PACRGL: variants seen among roughly 807,000 people sequenced by gnomAD.
PACRGL encodes parkin coregulated like.
A neutral mutation model predicts 34.5 loss-of-function variants in PACRGL; 38 were observed. The ratio of observed to expected loss-of-function variants is 1.10; its 90% CI spans 0.85 to 1.44. PACRGL has a LOEUF of 1.44. PACRGL is among the 40% of genes most tolerant of loss of function. PACRGL has a pLI of 0.00. For synonymous variants in PACRGL, 128 were observed against 100.1 expected (o/e 1.28, Z -1.66); for missense variants, 305 against 281.4 (o/e 1.08, Z -0.60).
Position 20,704,600 on chromosome 4 carries a change from G to A in PACRGL, c.53-60G>A, listed in dbSNP as rs969114311. ...CATGGCACTTTCTGTGCTACAGATG[G>A]ATGCAGGGTGAACTTTATTGCTTGT... On this transcript the variant is annotated intron_variant, in intron 2 of 8. Coordinates refer to ENST00000503585, the MANE Select transcript of PACRGL (RefSeq NM_001258345.3). 8.1e-6 allele frequency: 13 copies of A among 1,613,020 alleles called. No individual in the cohort carries two copies. In the African/African-American group the frequency reaches 1.7e-4, roughly 22 times the overall value.
Position 20,704,713 on chromosome 4 carries a change from G to A in PACRGL, c.106G>A (p.Val36Ile), listed in dbSNP as rs145660724. 29 of 1,614,072 alleles carry A rather than the reference G, an allele frequency of 1.8e-5. No individual in the cohort carries two copies. In the African/African-American group the frequency reaches 3.5e-4, roughly 19 times the overall value. ...SSTQLKHRNAVQGSKSSLSTS... is the reference protein window; with the variant it reads ...SSTQLKHRNAIQGSKSSLSTS... ...CACACAGTTAAAACACAGGAATGCA[G>A]TTCAGGGAAGCAAATCCTCATTGTC... The change falls in exon 3 of 9, where the codon GTT becomes ATT. Residue 36 changes from valine to isoleucine, a missense_variant. Transcript: ENST00000503585.
At chr4:20,763,176 C>A in the PACRGL span, among the ~76,000 whole-genome samples, 1 of 152,156 alleles carries the variant, frequency 6.6e-6, no homozygotes, top group East Asian at 1.9e-4. Flanking sequence ...GTTGAACATA[C>A]CTAACCTGAA....
At chr4:20,734,658 G>A (rs777810563), downstream of PACRGL, 4 of 1,586,576 alleles carry the variant, frequency 2.5e-6, no homozygotes, top group Admixed American at 1.7e-5. Context: ...CTTTATTTAT[G>A]TCATACAGAT....
At chr4:20,721,297 G>T (rs1047289684) in intron 7 of PACRGL, among the ~76,000 whole-genome samples, 3 of 152,040 alleles carry the variant, frequency 2.0e-5, no homozygotes, top group Non-Finnish European at 2.9e-5. Flanking sequence ...GCAAAAGTTT[G>T]ATCGTCTGAA....
At chr4:20,754,745 T>G (rs1754218273), downstream of PACRGL, among the ~76,000 whole-genome samples, 1 of 152,200 alleles carries the variant, frequency 6.6e-6, no homozygotes, top group Admixed American at 6.5e-5. Context: ...CTTTGCAAAA[T>G]AGATGTGCTC....
chr4:20,712,863 G>A lies in PACRGL; in HGVS notation c.442G>A (p.Ala148Thr). The A allele has an allele frequency of 6.2e-7, 1 of 1,605,308 alleles. No homozygotes were observed. Among genetic ancestry groups the A allele is most frequent in the South Asian group, 1.1e-5 (1 of 89,462 alleles). Residue 148 changes from alanine to threonine, a missense_variant, in exon 6 of 9, where the codon GCT becomes ACT. Transcript: ENST00000503585. ...TAGAGAATTACTTTTGGTCAAAGGTGCTCCTGAAAAAGCTATTCCTTTGCT... is the reference window on the plus strand; with the variant it reads ...TAGAGAATTACTTTTGGTCAAAGGTACTCCTGAAAAAGCTATTCCTTTGCT... ...GFRELLLVKG[A>T]PEKAIPLLPR... is the part of the protein sequence containing the mutation.
chr4:20,755,072 A>G (rs1290938516), downstream of PACRGL, among the ~76,000 whole-genome samples: 1 of 152,172 alleles, frequency 6.6e-6, no homozygotes, highest in Non-Finnish European at 1.5e-5. Context: ...TAATCCTGGC[A>G]TCAGGTACTA....
At chr4:20,766,038 G>A in the PACRGL span, among the ~76,000 whole-genome samples, 1 of 152,138 alleles carries the variant, frequency 6.6e-6, no homozygotes, top group South Asian at 2.1e-4. Flanking sequence ...AATTATTAAT[G>A]TGATGATGAC....
At chr4:20,757,039 T>G (rs1242104879), downstream of PACRGL, among the ~76,000 whole-genome samples, 1 of 152,098 alleles carries the variant, frequency 6.6e-6, no homozygotes, top group Non-Finnish European at 1.5e-5. Context: ...TCTTGTTGAG[T>G]CTAAATCCCC....
In PACRGL at chr4:20,729,433, T is replaced by TAAGTTTTA. The variant is rs1409713475; in HGVS notation, c.*2093_*2100dup. 6.6e-6 allele frequency: 1 copy of TAAGTTTTA among 151,426 alleles called. No individual in the cohort carries two copies. The highest frequency in any genetic ancestry group is 6.6e-5 in the Admixed American group (1 of 15,092). 9.4% of individuals were successfully genotyped at this position (151,426 alleles called of 1,614,324 possible). ...ATGGAAAATTAAATGCTTATTAAAA[T>TAAGTTTTA]AAGTTTTATTAGGCATATGCTGATA... is the stretch of plus-strand genomic sequence containing the variant. On this transcript the variant is annotated 3_prime_UTR_variant, in exon 9 of 9. Transcript: ENST00000503585.
chr4:20,736,640 T>C (rs974752990), downstream of PACRGL, among the ~76,000 whole-genome samples: 1 of 152,178 alleles, frequency 6.6e-6, no homozygotes, highest in African/African-American at 2.4e-5. Context: ...AAAATGATAA[T>C]AGATATTCTT....
At chr4:20,766,795 T>G in the PACRGL span, 2 of 152,180 alleles carry the variant, frequency 1.3e-5, no homozygotes, top group Non-Finnish European at 2.9e-5. Context: ...TTTTGTCAGG[T>G]ACTATTTAGA....
At position 20,730,063 on chromosome 4, in the gene PACRGL, T is replaced by G. The variant is rs1487809426; in HGVS notation, c.*2722T>G. 4 of 1,604,590 alleles carry G rather than the reference T, an allele frequency of 2.5e-6. No individual in the cohort carries two copies. Among genetic ancestry groups the G allele is most frequent in the Non-Finnish European group, 3.4e-6 (4 of 1,176,824 alleles). On this transcript the variant is annotated 3_prime_UTR_variant, in exon 9 of 9. Transcript: ENST00000503585. ...AATAGTTCACATTTGTCTGTTGGAT[T>G]CAGGATCTATTTGACAAGTTAAATC...
At chr4:20,719,882 C>A (rs1483340815) in intron 7 of PACRGL, among the ~76,000 whole-genome samples, 1 of 151,926 alleles carries the variant, frequency 6.6e-6, no homozygotes, top group African/African-American at 2.4e-5. Flanking sequence ...TCCTGGGTAT[C>A]CTTGTTAACT....
chr4:20,722,576 T>C (rs1441394819), intron 7 of PACRGL, among the ~76,000 whole-genome samples: 1 of 152,216 alleles, frequency 6.6e-6, no homozygotes, highest in African/African-American at 2.4e-5. Context: ...CCAGGGTTTT[T>C]ATTGGTGTCT....
At chr4:20,697,177 T>C (rs1731278265), upstream of PACRGL, among the ~76,000 whole-genome samples, 1 of 152,194 alleles carries the variant, frequency 6.6e-6, no homozygotes, top group East Asian at 1.9e-4. Context: ...ATAATGATGA[T>C]GTCTAACATT....
intron 8 of PACRGL, among the ~76,000 whole-genome samples, chr4:20,750,175 A>G (rs1355409341): frequency 2.0e-5 from 3 of 152,230 alleles, no homozygotes; most frequent in African/African-American, 7.2e-5. Flanking sequence ...CATCATTGTT[A>G]CAACTCAGAA....
chr4:20,705,118 C>A (rs1206593207), intron 3 of PACRGL, among the ~76,000 whole-genome samples: 1 of 152,152 alleles, frequency 6.6e-6, no homozygotes, highest in East Asian at 1.9e-4. Context: ...AATGAATAAA[C>A]TGTATTCAGT....
In PACRGL at chr4:20,719,958, G is replaced by A. The variant is rs1414830915; in HGVS notation, c.610-4850G>A. Among the ~76,000 whole-genome samples the A allele has an allele frequency of 3.3e-5, 5 of 152,098 alleles. No individual in the cohort carries two copies. The East Asian group carries it at 9.7e-4, about 29-fold the overall frequency. ...TAAAGTCTCCCATTATTATTGTGTG[G>A]GAGTCGAAATCTCTTTGTAGGTCAC... is the stretch of plus-strand genomic sequence containing the variant. On this transcript the variant is annotated intron_variant, in intron 7 of 8. Transcript: ENST00000503585.
Sources: gnomAD v4.1 joint callset for allele counts (sites outside exome capture counted in the v4.1 genomes callset) on GRCh38, gnomAD v4.1.1 for gene constraint, MANE v1.5 for transcripts, NCBI Gene and HGNC (gene_info 2026-07-23, HGNC 2026-07-21) for gene names.